The following HPSE2 variants were observed in gnomAD, a reference collection of about 807,000 sequenced individuals.
The protein encoded by HPSE2 is heparanase 2 (inactive).
In HPSE2, 38 loss-of-function variants were observed where a neutral mutation model predicts 60.5. The ratio of observed to expected loss-of-function variants is 0.63; its 90% CI spans 0.48 to 0.82. The LOEUF is 0.82. Among genes scored for constraint, HPSE2 ranks in the 40% least tolerant of loss-of-function variants. The probability of loss-of-function intolerance (pLI) is 0.00; values close to 1 mark genes in which losing one functional copy is unlikely to be tolerated. For missense variants in HPSE2, 713 were observed against 740.4 expected (o/e 0.96, Z 0.43); for synonymous variants, 295 against 293.2 (o/e 1.01, Z -0.06).
rs1374291270 is a variant in HPSE2 at position 98,939,630 on chromosome 10, A to T, written c.611-195574T>A. On this transcript the variant is annotated intron_variant, in intron 3 of 11. Coordinates refer to ENST00000370552, the MANE Select transcript of HPSE2 (RefSeq NM_021828.5). ...AGACTTAGACACCCACACAATAATA[A>T]TGGGAGATTTTAACACCCCACTGTC... Among the ~76,000 whole-genome samples, 2 of 143,282 alleles carry T rather than the reference A, an allele frequency of 1.4e-5. 1 individual carries two copies. The highest frequency in any genetic ancestry group is 5.7e-5 in the African/African-American group (2 of 34,980). 94.0% of individuals were successfully genotyped at this position (143,282 alleles called of 152,430 possible).
chr10:99,217,985 T>C (rs1264836948), intron 2 of HPSE2, among the ~76,000 whole-genome samples: 1 of 152,078 alleles, frequency 6.6e-6, no homozygotes, highest in Non-Finnish European at 1.5e-5. Flanking sequence ...GGACAATTAA[T>C]AGTAGCTGCC....
chr10:99,022,841 C>T (rs946628882), intron 3 of HPSE2, among the ~76,000 whole-genome samples: 5 of 152,128 alleles, frequency 3.3e-5, no homozygotes, highest in Non-Finnish European at 5.9e-5. Flanking sequence ...TAACTAGCAG[C>T]GATAGCCAGG....
intron 10 of HPSE2, among the ~76,000 whole-genome samples, chr10:98,483,426 C>T (rs1173937070): frequency 6.6e-6 from 1 of 152,132 alleles, no homozygotes; most frequent in Non-Finnish European, 1.5e-5. Context: ...CATGTTTGAA[C>T]ATTTTTGCCA....
At chr10:98,957,929 C>T (rs1388020059) in intron 3 of HPSE2, among the ~76,000 whole-genome samples, 4 of 152,308 alleles carry the variant, frequency 2.6e-5, no homozygotes, top group East Asian at 1.9e-4. Flanking sequence ...AGTTTCCCTT[C>T]GGATTCGCCC....
intron 10 of HPSE2, among the ~76,000 whole-genome samples, chr10:98,485,478 C>CT (rs1941407015): frequency 6.6e-6 from 1 of 152,208 alleles, no homozygotes; most frequent in Non-Finnish European, 1.5e-5. Context: ...TCTCCTGCAA[C>CT]ATGTGAACTA....
intron 3 of HPSE2, among the ~76,000 whole-genome samples, chr10:99,057,227 T>C (rs150155849): frequency 6.6e-6 from 1 of 152,336 alleles, no homozygotes; most frequent in East Asian, 1.9e-4. Context: ...AAAGTTACAA[T>C]ATGGGAAAAA....
chr10:98,772,140 A>G (rs1447390090), intron 3 of HPSE2, among the ~76,000 whole-genome samples: 1 of 152,166 alleles, frequency 6.6e-6, no homozygotes, highest in Non-Finnish European at 1.5e-5. Flanking sequence ...TAACTTCCAG[A>G]AGCCAAAAAG....
At chr10:99,169,176 G>A (rs1457353648) in intron 2 of HPSE2, among the ~76,000 whole-genome samples, 2 of 138,012 alleles carry the variant, frequency 1.4e-5, no homozygotes, top group African/African-American at 2.7e-5. Context: ...CTAGGCGACA[G>A]AGCAAGACTC....
At chr10:98,937,495 G>C (rs1031357792) in intron 3 of HPSE2, among the ~76,000 whole-genome samples, 2 of 144,354 alleles carry the variant, frequency 1.4e-5, no homozygotes, top group Admixed American at 6.9e-5. Context: ...TAGCACAGCA[G>C]TCTGAGATCA....
intron 4 of HPSE2, among the ~76,000 whole-genome samples, chr10:98,739,240 C>T (rs981168487): frequency 2.0e-5 from 3 of 152,054 alleles, no homozygotes; most frequent in African/African-American, 7.2e-5. Flanking sequence ...TCAAACACTG[C>T]ATGTTCTCAC....
At chr10:98,513,847 G>A (rs1423118772) in intron 9 of HPSE2, among the ~76,000 whole-genome samples, 1 of 152,080 alleles carries the variant, frequency 6.6e-6, no homozygotes, top group African/African-American at 2.4e-5. Flanking sequence ...AAGTTTGGTG[G>A]TTCCTCAATA....
At chr10:98,853,701 T>C (rs1025496452) in intron 3 of HPSE2, among the ~76,000 whole-genome samples, 4 of 151,920 alleles carry the variant, frequency 2.6e-5, no homozygotes, top group Admixed American at 6.6e-5. Context: ...GAATCCTAAC[T>C]ATAAAAAGGC....
intron 3 of HPSE2, among the ~76,000 whole-genome samples, chr10:99,118,523 C>A (rs376147354): frequency 2.8e-3 from 286 of 102,108 alleles, no homozygotes; most frequent in African/African-American, 4.5e-3. Flanking sequence ...ACTCCTTCTC[C>A]AAAAAAAAAA....
At chr10:99,121,671 T>C (rs1013888644) in intron 3 of HPSE2, among the ~76,000 whole-genome samples, 1 of 152,162 alleles carries the variant, frequency 6.6e-6, no homozygotes, top group Non-Finnish European at 1.5e-5. Context: ...TCAGGATTAA[T>C]ATGAGACAAG....
chr10:98,578,882 C>T (rs1944712753), intron 9 of HPSE2, among the ~76,000 whole-genome samples: 1 of 152,152 alleles, frequency 6.6e-6, no homozygotes, highest in South Asian at 2.1e-4. Flanking sequence ...TCAGTTACCC[C>T]TTAAAATTAA....
chr10:98,859,553 AC>A (rs1298075850), intron 3 of HPSE2, among the ~76,000 whole-genome samples: 2 of 152,136 alleles, frequency 1.3e-5, no homozygotes, highest in African/African-American at 4.8e-5. Flanking sequence ...TTGAGGTGAG[AC>A]ATTCATCTTC....
intron 2 of HPSE2, among the ~76,000 whole-genome samples, chr10:99,181,853 T>G (rs1847790672): frequency 6.6e-6 from 1 of 151,980 alleles, no homozygotes; most frequent in Non-Finnish European, 1.5e-5. Context: ...ATTCTGCACA[T>G]GTATCCCAGA....
chr10:99,093,338 T>TG (rs1454738312), intron 3 of HPSE2, among the ~76,000 whole-genome samples: 1 of 151,740 alleles, frequency 6.6e-6, no homozygotes, highest in Non-Finnish European at 1.5e-5. Context: ...AATATTTTCC[T>TG]GAAAAAAAAA....
intron 3 of HPSE2, among the ~76,000 whole-genome samples, chr10:98,846,774 GT>G (rs1952045208): frequency 6.6e-6 from 1 of 152,192 alleles, no homozygotes; most frequent in South Asian, 2.1e-4. Context: ...GTCTTAATAT[GT>G]TGCCCAAGTT....
Sources: allele counts gnomAD v4.1 joint callset (sites outside exome capture counted in the v4.1 genomes callset), GRCh38; gene constraint gnomAD v4.1.1; transcripts MANE v1.5; gene names NCBI Gene and HGNC (gene_info 2026-07-23, HGNC 2026-07-21).